GET1: variants seen among roughly 807,000 people sequenced by gnomAD.
GET1 encodes congenital heart disease 5 protein.
In GET1, 20 loss-of-function variants were observed where a neutral mutation model predicts 22.6. The ratio of observed to expected loss-of-function variants is 0.89; its 90% CI spans 0.62 to 1.29. GET1 has a LOEUF of 1.29. GET1 is among the 50% of genes most tolerant of loss of function. The pLI is 0.00. For synonymous variants in GET1, 92 were observed against 83.8 expected (o/e 1.10, Z -0.53); for missense variants, 209 against 219.9 (o/e 0.95, Z 0.31).
At chr21:39,419,000 T>A (rs2041801576) in intron 1 of GET1, among the ~76,000 whole-genome samples, 5 of 152,268 alleles carry the variant, frequency 3.3e-5, no homozygotes, top group Admixed American at 3.3e-4. Flanking sequence ...CTTTTTGAAG[T>A]TTCCTGGAAC....
chr21:39,397,118 C>A lies in GET1; in HGVS notation c.*179C>A. On this transcript the variant is annotated 3_prime_UTR_variant, in exon 5 of 5. Transcript: ENST00000649170. ...GTCTTATAAGAATCACGATTTTCTA[C>A]ACCTGTCATTGAGCCAAGAAAGTCC... is the stretch of plus-strand genomic sequence containing the variant. The A allele has an allele frequency of 1.5e-6, 1 of 659,470 alleles. No homozygotes were observed. The highest frequency in any genetic ancestry group is 2.5e-6 in the Non-Finnish European group (1 of 392,702). 40.9% of individuals were successfully genotyped at this position (659,470 alleles called of 1,614,324 possible).
At chr21:39,387,649 G>C (rs1240056642) in intron 1 of GET1, 1 of 353,796 alleles carries the variant, frequency 2.8e-6, no homozygotes, top group African/African-American at 2.2e-5. Context: ...AACACGCTGC[G>C]CATGAGCCCC....
chr21:39,414,043 C>T (rs2040585856), intron 1 of GET1: 2 of 152,230 alleles, frequency 1.3e-5, no homozygotes, highest in South Asian at 4.1e-4. Context: ...AAGTCTAACA[C>T]AGCCTGTTTG....
rs1436723283 is a variant in GET1, at chr21:39,380,477, C to A, written c.93C>A (p.Phe31Leu). The A allele has an allele frequency of 6.2e-7, 1 of 1,611,996 alleles. No individual in the cohort carries two copies. Among genetic ancestry groups the A allele is most frequent in the Admixed American group, 1.7e-5 (1 of 59,852 alleles). Reference sequence around the variant, plus strand: ...TTCTTAGGATCCTCCTCCCGTCCTTCTCATCCTTCGTAAGTGGCTGCCTGG... The same window carrying A: ...TTCTTAGGATCCTCCTCCCGTCCTTATCATCCTTCGTAAGTGGCTGCCTGG... ...CNVLRILLPSFSSFMSRVLQK... is the reference protein window; with the variant it reads ...CNVLRILLPSLSSFMSRVLQK... The change falls in exon 1 of 5, where the codon TTC becomes TTA. Residue 31 changes from phenylalanine to leucine, a missense_variant. By Grantham distance (22) the Phe-to-Leu change is conservative. Coordinates refer to ENST00000649170, the MANE Select transcript of GET1 (RefSeq NM_004627.6).
intron 1 of GET1, among the ~76,000 whole-genome samples, chr21:39,417,067 C>T (rs1333701657): frequency 6.6e-6 from 1 of 152,220 alleles, no homozygotes; most frequent in Non-Finnish European, 1.5e-5. Flanking sequence ...GAGTCTCGCT[C>T]TGTCACCCAG....
At chr21:39,381,047 T>C in intron 1 of GET1, 1 of 723,996 alleles carries the variant, frequency 1.4e-6, no homozygotes, top group Non-Finnish European at 1.7e-6. Flanking sequence ...TACCTCTGTC[T>C]CACGGCTGCT....
At chr21:39,408,079 C>T (rs2039418033), downstream of GET1, among the ~76,000 whole-genome samples, 1 of 152,232 alleles carries the variant, frequency 6.6e-6, no homozygotes, top group Non-Finnish European at 1.5e-5. Context: ...CTCTGGGACT[C>T]ATTCATCATG....
chr21:39,414,738 C>CTGTGTGTGTGTGTGTGTGTG (rs763309098), intron 1 of GET1, among the ~76,000 whole-genome samples: 70 of 107,348 alleles, frequency 6.5e-4, no homozygotes, highest in African/African-American at 2.4e-3. Flanking sequence ...CTCTCTCTCT[C>CTGTGTGTGTGTGTGTGTGTG]TCTCTGTGTG....
chr21:39,423,141 T>TAGAG, intron 1 of GET1: 1 of 1,613,868 alleles, frequency 6.2e-7, no homozygotes, highest in Admixed American at 1.7e-5. Flanking sequence ...GTTTCCTAGA[T>TAGAG]AGAGTTCTTT....
At chr21:39,391,959 C>G in intron 3 of GET1, 123 bp downstream of exon 3, 1 of 872,548 alleles carries the variant, frequency 1.1e-6, no homozygotes, top group Non-Finnish European at 1.9e-6. Context: ...GTCGTGTGTC[C>G]CTGCCCACAT....
At chr21:39,392,598 G>C (rs2038378830) in intron 3 of GET1, among the ~76,000 whole-genome samples, 1 of 152,228 alleles carries the variant, frequency 6.6e-6, no homozygotes, top group Non-Finnish European at 1.5e-5. Context: ...GAAGGGGACA[G>C]ATGACAATCG....
At chr21:39,415,591 C>A (rs2040989137) in intron 1 of GET1, among the ~76,000 whole-genome samples, 1 of 152,174 alleles carries the variant, frequency 6.6e-6, no homozygotes, top group South Asian at 2.1e-4. Flanking sequence ...CATTCCACTT[C>A]CCCCAATCAA....
chr21:39,422,980 AT>A, intron 1 of GET1: 2 of 1,613,130 alleles, frequency 1.2e-6, no homozygotes, highest in African/African-American at 1.3e-5. Context: ...ACAGACCTGT[AT>A]TTTTTTGTCA....
chr21:39,381,924 A>G (rs2037577613), intron 1 of GET1, among the ~76,000 whole-genome samples: 1 of 152,016 alleles, frequency 6.6e-6, no homozygotes, highest in Non-Finnish European at 1.5e-5. Flanking sequence ...TTTTTAGTAG[A>G]GACAGAGCTT....
intron 4 of GET1, among the ~76,000 whole-genome samples, chr21:39,403,013 T>C (rs573917972): frequency 6.6e-6 from 1 of 152,342 alleles, no homozygotes; most frequent in African/African-American, 2.4e-5. Context: ...TCACGATGTG[T>C]GCTTTCATTG....
In GET1 at chr21:39,391,753, C is replaced by T. The variant is rs201324218; in HGVS notation, c.269-16C>T. On this transcript the variant is annotated splice_polypyrimidine_tract_variant and intron_variant, in intron 2 of 4. Transcript: ENST00000649170. Reference sequence around the variant, plus strand: ...TTCAGGACTGACATAATTATTTATCCTGTTTTTCCTTTCAGTGAAAGCTCG... The same window carrying T: ...TTCAGGACTGACATAATTATTTATCTTGTTTTTCCTTTCAGTGAAAGCTCG... The T allele has an allele frequency of 3.2e-4, 522 of 1,612,602 alleles. No individual in the cohort carries two copies. In the African/African-American group the frequency reaches 6.2e-3, roughly 19 times the overall value.
downstream of GET1, among the ~76,000 whole-genome samples, chr21:39,401,288 A>T (rs889419686): frequency 1.3e-5 from 2 of 151,690 alleles, no homozygotes; most frequent in African/African-American, 4.9e-5. Context: ...GCCTTAAGTG[A>T]TCTTCTGCCT....
intron 1 of GET1, chr21:39,387,746 C>T (rs529922077): frequency 5.1e-6 from 5 of 980,198 alleles, no homozygotes; most frequent in South Asian, 4.8e-5. Flanking sequence ...CATCACTGGG[C>T]GGGTCAGAAA....
chr21:39,415,765 T>C (rs2041029722), intron 1 of GET1, among the ~76,000 whole-genome samples: 1 of 152,202 alleles, frequency 6.6e-6, no homozygotes, highest in Non-Finnish European at 1.5e-5. Context: ...CACTCTCACC[T>C]CTTATTTTTT....
Sources: gnomAD v4.1 joint callset for allele counts (sites outside exome capture counted in the v4.1 genomes callset) on GRCh38, gnomAD v4.1.1 for gene constraint, MANE v1.5 for transcripts, NCBI Gene and HGNC (gene_info 2026-07-23, HGNC 2026-07-21) for gene names.